NCOA7: variants seen among roughly 807,000 people sequenced by gnomAD.
The protein encoded by NCOA7 is 140 kDa estrogen receptor-associated protein.
Under a neutral mutation model 104.3 loss-of-function variants are expected in NCOA7, and 45 were observed. The observed-to-expected ratio is 0.43, with a 90% CI of 0.34 to 0.55. NCOA7 has a LOEUF of 0.55. Among genes scored for constraint, NCOA7 ranks in the 20% least tolerant of loss-of-function variants. The pLI is 0.02. For synonymous variants in NCOA7, 398 were observed against 402.3 expected (o/e 0.99, Z 0.13); for missense variants, 1,041 against 1,119.7 (o/e 0.93, Z 1.00).
At chr6:125,888,232 A>T (rs1342681892) in intron 8 of NCOA7, among the ~76,000 whole-genome samples, 1 of 152,264 alleles carries the variant, frequency 6.6e-6, no homozygotes, top group African/African-American at 2.4e-5. Flanking sequence ...TTTACTTAAG[A>T]AATGTAAGTA....
intron 10 of NCOA7, among the ~76,000 whole-genome samples, chr6:125,892,267 A>C (rs1487194283): frequency 6.6e-6 from 1 of 152,184 alleles, no homozygotes; most frequent in Non-Finnish European, 1.5e-5. Context: ...AACTGTCTGC[A>C]CCAAGGACTC....
chr6:125,896,258 A>G (rs1785010493), intron 10 of NCOA7, among the ~76,000 whole-genome samples: 1 of 152,084 alleles, frequency 6.6e-6, no homozygotes, highest in African/African-American at 2.4e-5. Context: ...CATGTTGCAC[A>G]TGAAAGTGTG....
At chr6:125,860,352 T>C (rs1781936250) in intron 3 of NCOA7, among the ~76,000 whole-genome samples, 1 of 152,246 alleles carries the variant, frequency 6.6e-6, no homozygotes, top group African/African-American at 2.4e-5. Flanking sequence ...ATACTTTTTC[T>C]TTTTCTTTTT....
rs111814812 is a variant in NCOA7 at position 125,895,276 on chromosome 6, T to C, written c.2096+4466T>C. ...GAGTTTCTCAAGCCATGCATAAATG[T>C]TTAATCCAAACTTTTTAAGTTGGTT... On this transcript the variant is annotated intron_variant, in intron 10 of 15. Transcript: ENST00000392477. Among the ~76,000 whole-genome samples, 299 of 152,340 alleles carry C rather than the reference T, an allele frequency of 2.0e-3. 1 individual carries two copies. Among genetic ancestry groups the C allele is most frequent in the Non-Finnish European group, 9.6e-4 (65 of 68,030 alleles).
Position 125,929,054 on chromosome 6 carries a change from A to G in NCOA7, c.*283A>G, listed in dbSNP as rs750753747. On this transcript the variant is annotated 3_prime_UTR_variant, in exon 16 of 16. Coordinates refer to ENST00000392477, the MANE Select transcript of NCOA7 (RefSeq NM_181782.5). ...GAGGAATCAGAGTGTTTATAGATAT[A>G]TGAGTTGAATGCAATTTTTATTTTT... 2 of 252,622 alleles carry G rather than the reference A, an allele frequency of 7.9e-6. No homozygotes were observed. Among genetic ancestry groups the G allele is most frequent in the South Asian group, 1.3e-4 (1 of 7,440 alleles). 15.6% of individuals were successfully genotyped at this position (252,622 alleles called of 1,614,324 possible).
chr6:125,790,936 C>G (rs1774781091), upstream of NCOA7: 1 of 150,824 alleles, frequency 6.6e-6, no homozygotes, highest in South Asian at 2.1e-4. Context: ...TACGGTCCTC[C>G]CCTGACCCCT....
At chr6:125,830,191 A>G (rs1779043748) in intron 2 of NCOA7, among the ~76,000 whole-genome samples, 1 of 152,232 alleles carries the variant, frequency 6.6e-6, no homozygotes, top group South Asian at 2.1e-4. Context: ...CTTCGAATCC[A>G]TACAGAATAA....
At chr6:125,855,363 C>G (rs779331472) in intron 3 of NCOA7, 123 bp downstream of exon 3, 20 of 718,480 alleles carry the variant, frequency 2.8e-5, no homozygotes, top group Non-Finnish European at 4.3e-5. Context: ...GCTATGTGCC[C>G]CTGGCCCTTG....
intron 4 of NCOA7, chr6:125,875,631 A>AT (rs1242425696): frequency 6.6e-6 from 1 of 152,004 alleles, no homozygotes; most frequent in East Asian, 1.9e-4. Context: ...ACCTTCTGTG[A>AT]TTTTTCCAGC....
intron 5 of NCOA7, among the ~76,000 whole-genome samples, chr6:125,880,517 A>T (rs1052932824): frequency 5.3e-5 from 8 of 150,764 alleles, no homozygotes; most frequent in African/African-American, 1.7e-4. Context: ...TTATTTATTT[A>T]TATTTTATTT....
intron 3 of NCOA7, among the ~76,000 whole-genome samples, chr6:125,871,365 C>T (rs573478306): frequency 1.5e-4 from 23 of 152,352 alleles, no homozygotes; most frequent in Non-Finnish European, 1.5e-4. Context: ...CCAGAAGCAC[C>T]TCCAGTGCTT....
At chr6:125,819,188 G>A (rs927761811) in intron 2 of NCOA7, among the ~76,000 whole-genome samples, 3 of 151,854 alleles carry the variant, frequency 2.0e-5, no homozygotes, top group African/African-American at 4.8e-5. Context: ...TTTCATAATC[G>A]TTGTGTGACT....
intron 11 of NCOA7, among the ~76,000 whole-genome samples, chr6:125,917,054 C>A (rs900779471): frequency 6.6e-6 from 1 of 152,110 alleles, no homozygotes; most frequent in Non-Finnish European, 1.5e-5. Flanking sequence ...ATACTCTGTG[C>A]TTAAAAGCTT....
At chr6:125,790,283 A>T (rs11154331), upstream of NCOA7, among the ~76,000 whole-genome samples, 60,944 of 152,118 alleles carry the variant, frequency 0.4, 14,063 homozygotes, top group East Asian at 0.7. Flanking sequence ...AAAAGCTCTA[A>T]CTCCTGCTCT....
chr6:125,830,135 G>A (rs865925623), intron 2 of NCOA7, among the ~76,000 whole-genome samples: 4 of 152,078 alleles, frequency 2.6e-5, no homozygotes, highest in African/African-American at 4.8e-5. Flanking sequence ...TTAAATTTTT[G>A]GTTAAATTTT....
chr6:125,786,103 C>T (rs984149099), upstream of NCOA7: 1 of 152,190 alleles, frequency 6.6e-6, no homozygotes, highest in African/African-American at 2.4e-5. Flanking sequence ...GCCTTAAATA[C>T]TATTAAATAA....
intron 2 of NCOA7, among the ~76,000 whole-genome samples, chr6:125,847,651 A>G (rs1780743523): frequency 6.6e-6 from 1 of 152,244 alleles, no homozygotes; most frequent in Admixed American, 6.5e-5. Flanking sequence ...ACAAAAATTA[A>G]TTCAAGGTGG....
intron 2 of NCOA7, among the ~76,000 whole-genome samples, chr6:125,838,080 A>G (rs945764187): frequency 6.6e-6 from 1 of 152,196 alleles, no homozygotes; most frequent in South Asian, 2.1e-4. Context: ...GCTTCACTGA[A>G]AAATGAACTC....
At chr6:125,874,774 C>G (rs1265812396) in intron 3 of NCOA7, 115 bp from the exon 4 acceptor site, 1 of 697,192 alleles carries the variant, frequency 1.4e-6, no homozygotes, top group Non-Finnish European at 2.5e-6. Context: ...GTCCATTTTC[C>G]TATTAGTGTC....
Sources: gnomAD v4.1 joint callset for allele counts (sites outside exome capture counted in the v4.1 genomes callset) on GRCh38, gnomAD v4.1.1 for gene constraint, MANE v1.5 for transcripts, NCBI Gene and HGNC (gene_info 2026-07-23, HGNC 2026-07-21) for gene names.